CDCP1: variants seen among roughly 807,000 people sequenced by gnomAD.
CDCP1 encodes the protein CUB domain-containing protein 1.
CDCP1 carries 29 observed loss-of-function variants against 60.2 expected under a neutral mutation model. That is an observed-to-expected ratio of 0.48 (90% CI 0.36 to 0.66). The LOEUF (loss-of-function observed/expected upper bound fraction) is 0.66, where lower values mean the gene tolerates loss of function less well. Among genes scored for constraint, CDCP1 ranks in the 30% least tolerant of loss-of-function variants. The pLI is 0.00. For synonymous variants in CDCP1, 387 were observed against 431.1 expected (o/e 0.90, Z 1.27); for missense variants, 876 against 1,074.3 (o/e 0.82, Z 2.58).
chr3:45,133,781 C>T (rs1048119542), intron 1 of CDCP1, among the ~76,000 whole-genome samples: 11 of 151,410 alleles, frequency 7.3e-5, no homozygotes, highest in Non-Finnish European at 1.6e-4. Context: ...CTCTCCCTAG[C>T]GTGGGCCCTT....
chr3:45,094,064 T>C (rs1698353663), intron 5 of CDCP1, among the ~76,000 whole-genome samples: 2 of 152,110 alleles, frequency 1.3e-5, no homozygotes, highest in African/African-American at 4.8e-5. Flanking sequence ...GTTGGGGAGA[T>C]GTTAGTTCGT....
intron 4 of CDCP1, among the ~76,000 whole-genome samples, chr3:45,098,122 G>C (rs201293476): frequency 1.3e-5 from 2 of 151,852 alleles, no homozygotes; most frequent in African/African-American, 4.8e-5. Flanking sequence ...CTCCCCACCC[G>C]CTCTTCCCTC....
intron 1 of CDCP1, among the ~76,000 whole-genome samples, chr3:45,125,393 C>T (rs1347770841): frequency 2.0e-5 from 3 of 152,056 alleles, no homozygotes; most frequent in African/African-American, 4.8e-5. Flanking sequence ...GGTCAATTCC[C>T]GGCACTACCA....
chr3:45,110,219 G>A lies in CDCP1; in HGVS notation c.1024+254C>T, dbSNP rs1028659407. The A allele has an allele frequency of 5.0e-5, 68 of 1,353,316 alleles. 1 individual carries two copies. The South Asian group carries it at 5.8e-4, about 11-fold the overall frequency. The allele number at this position is 1,353,316 out of a possible 1,614,324, so 83.8% of individuals were successfully genotyped here. A position where few individuals can be genotyped will look rare whatever the true frequency, so the allele number is the denominator to read the frequency against. On this transcript the variant is annotated intron_variant, in intron 4 of 8. Coordinates refer to ENST00000296129, the MANE Select transcript of CDCP1 (RefSeq NM_022842.5). ...AGAAAAATGACCTTTCAATGCCTTCGTTAAAAACAATTTAGCATCTTGAAT... is the reference window on the plus strand; with the variant it reads ...AGAAAAATGACCTTTCAATGCCTTCATTAAAAACAATTTAGCATCTTGAAT...
chr3:45,104,523 T>A (rs1028352250), intron 4 of CDCP1, among the ~76,000 whole-genome samples: 2 of 152,168 alleles, frequency 1.3e-5, no homozygotes, highest in Admixed American at 6.5e-5. Flanking sequence ...CATAAATCTA[T>A]GGAAAGACAA....
Position 45,110,677 on chromosome 3 carries a change from A to G in CDCP1, c.820T>C (p.Cys274Arg), listed in dbSNP as rs1286876977. The G allele has an allele frequency of 6.2e-7, 1 of 1,614,118 alleles. No homozygotes were observed. Among genetic ancestry groups the G allele is most frequent in the Admixed American group, 1.7e-5 (1 of 60,020 alleles). Residue 274 changes from cysteine to arginine, a missense_variant, in exon 4 of 9, where the codon TGT becomes CGT. Physicochemically the swap from Cys to Arg is radical, Grantham distance 180. Coordinates refer to ENST00000296129, the MANE Select transcript of CDCP1 (RefSeq NM_022842.5). Reference protein sequence around the residue: ...VSFLNFNLSNCERKEERVEYY... With the variant: ...VSFLNFNLSNRERKEERVEYY... ...TCAACCCGCTCCTCCTTCCTCTCAC[A>G]GTTGGAGAGGTTGAAGTTGAGGAAG... is the stretch of plus-strand genomic sequence containing the variant.
chr3:45,126,100 G>GTCTCTCTCTCTTTCTTTCTT (rs1576112518), intron 1 of CDCP1, among the ~76,000 whole-genome samples: 1 of 112,938 alleles, frequency 8.9e-6, no homozygotes, highest in East Asian at 2.8e-4. Flanking sequence ...GCCATTCTTT[G>GTCTCTCTCTCTTTCTTTCTT]TCTCTCTCTC....
At chr3:45,122,887 T>G (rs1435618286) in intron 1 of CDCP1, among the ~76,000 whole-genome samples, 1 of 152,150 alleles carries the variant, frequency 6.6e-6, no homozygotes, top group Non-Finnish European at 1.5e-5. Context: ...TCCCTGCCCT[T>G]AGGGAATTAA....
intron 1 of CDCP1, among the ~76,000 whole-genome samples, chr3:45,135,996 T>C (rs960999857): frequency 2.0e-5 from 3 of 152,310 alleles, no homozygotes; most frequent in South Asian, 4.1e-4. Flanking sequence ...TTGTAGCCCC[T>C]GGTTTACATG....
At chr3:45,141,776 A>C (rs951620985) in intron 1 of CDCP1, among the ~76,000 whole-genome samples, 7 of 152,298 alleles carry the variant, frequency 4.6e-5, no homozygotes, top group African/African-American at 1.7e-4. Flanking sequence ...AAGTGGTTTG[A>C]AATAATTTGA....
At chr3:45,110,105 C>T (rs1469125495) in intron 4 of CDCP1, 1 of 742,184 alleles carries the variant, frequency 1.3e-6, no homozygotes, top group Non-Finnish European at 1.8e-6. Flanking sequence ...AGTAGGGGTG[C>T]TGAGCCATAA....
At chr3:45,098,260 G>A (rs1405226208) in intron 4 of CDCP1, among the ~76,000 whole-genome samples, 3 of 152,054 alleles carry the variant, frequency 2.0e-5, no homozygotes, top group Non-Finnish European at 2.9e-5. Context: ...CTGCGGTGGC[G>A]TGATCATAGC....
Position 45,110,678 on chromosome 3 carries a change from G to A in CDCP1, c.819C>T (p.Asn273=). The change falls in exon 4 of 9, where the codon AAC becomes AAT. Residue 273 remains asparagine (N), a synonymous_variant. Transcript: ENST00000296129. ...CAACCCGCTCCTCCTTCCTCTCACA[G>A]TTGGAGAGGTTGAAGTTGAGGAAGG... is the stretch of plus-strand genomic sequence containing the variant. ...SVSFLNFNLS[N]CERKEERVEY... 2 of 1,614,208 alleles carry A rather than the reference G, an allele frequency of 1.2e-6. No individual in the cohort carries two copies. The highest frequency in any genetic ancestry group is 2.2e-5 in the South Asian group (2 of 91,080).
intron 1 of CDCP1, among the ~76,000 whole-genome samples, chr3:45,129,693 C>T (rs992690534): frequency 3.9e-5 from 6 of 152,228 alleles, no homozygotes; most frequent in African/African-American, 1.4e-4. Context: ...CCCACAGCTC[C>T]CCTCCCTCAC....
intron 4 of CDCP1, among the ~76,000 whole-genome samples, chr3:45,100,388 T>C (rs1698469661): frequency 6.6e-6 from 1 of 152,210 alleles, no homozygotes; most frequent in Non-Finnish European, 1.5e-5. Flanking sequence ...GGAAGAACAG[T>C]TGTTTGGCTG....
intron 4 of CDCP1, among the ~76,000 whole-genome samples, chr3:45,098,955 A>G (rs1698447028): frequency 2.6e-5 from 4 of 152,016 alleles, no homozygotes; most frequent in Admixed American, 2.6e-4. Flanking sequence ...TACTTCCTCA[A>G]CTTCTTAAGA....
At chr3:45,145,767 C>T (rs145219802) in intron 1 of CDCP1, among the ~76,000 whole-genome samples, 8 of 152,274 alleles carry the variant, frequency 5.3e-5, no homozygotes, top group African/African-American at 1.9e-4. Flanking sequence ...AGAGGGCGAG[C>T]CTGGAGAGGA....
chr3:45,107,923 G>T (rs1434574245), intron 4 of CDCP1, among the ~76,000 whole-genome samples: 1 of 151,954 alleles, frequency 6.6e-6, no homozygotes, highest in Admixed American at 6.6e-5. Flanking sequence ...TCAAGACCAG[G>T]CTGGCCAACA....
At chr3:45,100,251 G>C (rs1698468159) in intron 4 of CDCP1, among the ~76,000 whole-genome samples, 1 of 152,240 alleles carries the variant, frequency 6.6e-6, no homozygotes, top group Non-Finnish European at 1.5e-5. Flanking sequence ...GGAGCCTCAT[G>C]CTCAGTACTT....
Sources: gnomAD v4.1 joint callset for allele counts (sites outside exome capture counted in the v4.1 genomes callset) on GRCh38, gnomAD v4.1.1 for gene constraint, MANE v1.5 for transcripts, NCBI Gene and HGNC (gene_info 2026-07-23, HGNC 2026-07-21) for gene names.